The following SRPK2 variants were observed in gnomAD, a reference collection of about 807,000 sequenced individuals.
The protein encoded by SRPK2 is SFRS protein kinase 2.
Under a neutral mutation model 90.8 loss-of-function variants are expected in SRPK2, and 21 were observed. That is an observed-to-expected ratio of 0.23 (90% CI 0.16 to 0.33). The LOEUF (loss-of-function observed/expected upper bound fraction) is 0.33. Among genes scored for constraint, SRPK2 ranks in the 10% least tolerant of loss-of-function variants. The pLI, the probability that SRPK2 is intolerant of heterozygous loss-of-function variation, is 1.00. For missense variants in SRPK2, 620 were observed against 869.0 expected (o/e 0.71, Z 3.60); for synonymous variants, 288 against 311.1 (o/e 0.93, Z 0.78).
chr7:105,137,415 T>TTC (rs1803014546), intron 11 of SRPK2, among the ~76,000 whole-genome samples: 1 of 152,172 alleles, frequency 6.6e-6, no homozygotes, highest in Non-Finnish European at 1.5e-5. Flanking sequence ...CCTTAAACAG[T>TTC]TCTCTCTGGA....
chr7:105,199,295 T>A (rs1189481542), intron 3 of SRPK2, among the ~76,000 whole-genome samples: 2 of 152,200 alleles, frequency 1.3e-5, no homozygotes, highest in Admixed American at 6.5e-5. Context: ...TGTCTTTTGT[T>A]GTTAATTTTT....
chr7:105,367,140 G>A (rs548478156), intron 2 of SRPK2, among the ~76,000 whole-genome samples: 3 of 151,882 alleles, frequency 2.0e-5, no homozygotes, highest in African/African-American at 7.2e-5. Context: ...TCCCACCTGG[G>A]TGTCCCAAAG....
At chr7:105,145,225 A>G in intron 9 of SRPK2, 58 bp downstream of exon 9, 2 of 1,373,324 alleles carry the variant, frequency 1.5e-6, no homozygotes, top group Non-Finnish European at 2.0e-6. Flanking sequence ...TGAACAACTC[A>G]ATAATAAACG....
chr7:105,302,940 G>A (rs1329549887), intron 2 of SRPK2, among the ~76,000 whole-genome samples: 1 of 152,010 alleles, frequency 6.6e-6, no homozygotes, highest in Non-Finnish European at 1.5e-5. Flanking sequence ...CAGGCATGGT[G>A]GCGGGCGCCT....
Position 105,191,894 on chromosome 7 carries a change from T to A in SRPK2, c.229+11734A>T, listed in dbSNP as rs551191776. Among the ~76,000 whole-genome samples, 133 of 150,816 alleles carry A rather than the reference T, an allele frequency of 8.8e-4. 1 individual carries two copies. Among genetic ancestry groups the A allele is most frequent in the Admixed American group, 2.4e-3 (36 of 15,210 alleles). On this transcript the variant is annotated intron_variant, in intron 3 of 15. Coordinates refer to ENST00000393651, the MANE Select transcript of SRPK2 (RefSeq NM_182692.3). The stretch of plus-strand genomic sequence containing the variant: ...AAAACAAAAAAAACTTTTTTTTTTT[T>A]AAATAGAGACAAAGTCTTAATATGT...
intron 2 of SRPK2, among the ~76,000 whole-genome samples, chr7:105,307,788 G>C (rs142491328): frequency 6.6e-6 from 1 of 152,188 alleles, no homozygotes; most frequent in Non-Finnish European, 1.5e-5. Flanking sequence ...TTTATAATCA[G>C]AAATAACATA....
chr7:105,232,913 T>G (rs1364967295), intron 2 of SRPK2, among the ~76,000 whole-genome samples: 1 of 151,802 alleles, frequency 6.6e-6, no homozygotes, highest in Non-Finnish European at 1.5e-5. Flanking sequence ...TTCAGGAGCC[T>G]GAGGCAGGAG....
intron 2 of SRPK2, among the ~76,000 whole-genome samples, chr7:105,230,605 T>G (rs1328817018): frequency 6.6e-6 from 1 of 152,210 alleles, no homozygotes; most frequent in Non-Finnish European, 1.5e-5. Flanking sequence ...CGAGGTGCCC[T>G]TGCTTCACCA....
chr7:105,366,747 G>A (rs1012418377), intron 2 of SRPK2, among the ~76,000 whole-genome samples: 2 of 152,336 alleles, frequency 1.3e-5, no homozygotes, highest in South Asian at 2.1e-4. Flanking sequence ...TATTTCACAA[G>A]AAGTGTGAGA....
At chr7:105,285,927 G>A (rs925388088) in intron 2 of SRPK2, among the ~76,000 whole-genome samples, 1 of 152,178 alleles carries the variant, frequency 6.6e-6, no homozygotes, top group Admixed American at 6.5e-5. Context: ...AGTAGAAACA[G>A]AAACAACAAG....
intron 2 of SRPK2, among the ~76,000 whole-genome samples, chr7:105,330,952 C>A (rs1249428041): frequency 1.3e-5 from 2 of 152,040 alleles, no homozygotes; most frequent in African/African-American, 4.8e-5. Context: ...TGTGATTCTG[C>A]CACTGCATTC....
intron 2 of SRPK2, among the ~76,000 whole-genome samples, chr7:105,330,061 A>G (rs2131671869): frequency 6.6e-6 from 1 of 152,056 alleles, no homozygotes; most frequent in Non-Finnish European, 1.5e-5. Flanking sequence ...AAAATAAAAT[A>G]GCCAGGCGCG....
intron 2 of SRPK2, among the ~76,000 whole-genome samples, chr7:105,386,535 G>A (rs1301272486): frequency 6.6e-6 from 1 of 151,752 alleles, no homozygotes; most frequent in Non-Finnish European, 1.5e-5. Context: ...CCAACATGGT[G>A]AAACCCCGTC....
chr7:105,149,531 G>C (rs1805283382), intron 7 of SRPK2, among the ~76,000 whole-genome samples: 1 of 152,144 alleles, frequency 6.6e-6, no homozygotes, highest in Non-Finnish European at 1.5e-5. Flanking sequence ...CAGGTCCTTG[G>C]TATGCTGGGC....
intron 2 of SRPK2, among the ~76,000 whole-genome samples, chr7:105,322,227 C>T (rs950166335): frequency 6.6e-6 from 1 of 152,082 alleles, no homozygotes; most frequent in Non-Finnish European, 1.5e-5. Flanking sequence ...CCCGCCTGGC[C>T]AACATGTTGT....
chr7:105,142,563 C>A, intron 10 of SRPK2, 73 bp from the exon 11 acceptor site: 1 of 1,508,796 alleles, frequency 6.6e-7, no homozygotes, highest in South Asian at 1.4e-5. Flanking sequence ...TACTTATCTC[C>A]ATCAATAAAA....
intron 3 of SRPK2, among the ~76,000 whole-genome samples, chr7:105,196,742 C>T (rs1247557064): frequency 2.6e-5 from 4 of 152,010 alleles, no homozygotes; most frequent in Non-Finnish European, 4.4e-5. Flanking sequence ...AGGTTCTTTG[C>T]TTTTTTTTCC....
At chr7:105,180,603 C>T (rs973101457) in intron 3 of SRPK2, among the ~76,000 whole-genome samples, 1 of 152,052 alleles carries the variant, frequency 6.6e-6, no homozygotes, top group Non-Finnish European at 1.5e-5. Flanking sequence ...TAAAAAAATA[C>T]AAAAATTAGC....
chr7:105,342,229 C>T (rs1815896916), intron 2 of SRPK2, among the ~76,000 whole-genome samples: 1 of 151,812 alleles, frequency 6.6e-6, no homozygotes, highest in African/African-American at 2.4e-5. Flanking sequence ...AAGGCCAAGG[C>T]AGGAGAATCT....
Sources: gnomAD v4.1 joint callset for allele counts (sites outside exome capture counted in the v4.1 genomes callset) on GRCh38, gnomAD v4.1.1 for gene constraint, MANE v1.5 for transcripts, NCBI Gene and HGNC (gene_info 2026-07-23, HGNC 2026-07-21) for gene names.